The following C12orf42 variants were observed in gnomAD, a reference collection of about 807,000 sequenced individuals.
C12orf42 encodes uncharacterized protein C12orf42.
In C12orf42, 25 loss-of-function variants were observed where a neutral mutation model predicts 21.6. The observed-to-expected ratio is 1.16, with a 90% CI of 0.84 to 1.62. C12orf42 has a LOEUF of 1.62. C12orf42 is among the 40% of genes most tolerant of loss of function. The pLI, the probability that C12orf42 is intolerant of heterozygous loss-of-function variation, is 0.00. For missense variants in C12orf42, 483 were observed against 459.3 expected (o/e 1.05, Z -0.47); for synonymous variants, 174 against 175.0 (o/e 0.99, Z 0.05).
chr12:103,481,776 C>T (rs987150101), intron 1 of C12orf42, among the ~76,000 whole-genome samples: 2 of 150,118 alleles, frequency 1.3e-5, no homozygotes, highest in African/African-American at 4.9e-5. Flanking sequence ...TACTTATCTA[C>T]GTGTCCTGGT....
chr12:103,256,258 G>T (rs1243626987), intron 10 of C12orf42, among the ~76,000 whole-genome samples: 2 of 149,372 alleles, frequency 1.3e-5, no homozygotes, highest in African/African-American at 4.9e-5. Context: ...CCAATTTAGA[G>T]ATTCTGGGAG....
the C12orf42 span, among the ~76,000 whole-genome samples, chr12:103,513,997 T>C: frequency 6.6e-6 from 1 of 152,208 alleles, no homozygotes; most frequent in African/African-American, 2.4e-5. Flanking sequence ...CTAGGTAATT[T>C]ATAAAGGAAA....
chr12:103,170,540 C>A, the C12orf42 span, among the ~76,000 whole-genome samples: 1 of 151,916 alleles, frequency 6.6e-6, no homozygotes, highest in Non-Finnish European at 1.5e-5. Context: ...CTCCTCTCCT[C>A]GTACACATAC....
rs1491270877 is a variant in C12orf42, at chr12:103,294,618, AAG to A, written n.338-17410_338-17409del. Among the ~76,000 whole-genome samples, 31 of 147,342 alleles carry A rather than the reference AAG, an allele frequency of 2.1e-4. 1 individual carries two copies. Among genetic ancestry groups the A allele is most frequent in the African/African-American group, 8.1e-4 (31 of 38,132 alleles). On this transcript the variant is annotated intron_variant and non_coding_transcript_variant, in intron 4 of 6. Coordinates refer to the C12orf42 transcript ENST00000546526. ...AAAGAAAGAAAGAAAGAAAGAAAGA[AAG>A]AAAGAAAGAAAGAAAGAAGGAAAAG...
chr12:103,245,944 T>C (rs1248493386), intron 10 of C12orf42, among the ~76,000 whole-genome samples: 1 of 152,006 alleles, frequency 6.6e-6, no homozygotes, highest in Non-Finnish European at 1.5e-5. Context: ...AGCTGGACTT[T>C]GAAGGAGCTG....
chr12:103,103,887 G>A, the C12orf42 span, among the ~76,000 whole-genome samples: 3,432 of 150,046 alleles, frequency 0.023, 125 homozygotes, highest in African/African-American at 0.079. Context: ...TGCAACCTCC[G>A]CCTCCCAGGT....
the C12orf42 span, among the ~76,000 whole-genome samples, chr12:103,058,642 C>T: frequency 7.2e-5 from 11 of 152,160 alleles, no homozygotes; most frequent in South Asian, 2.1e-4. Flanking sequence ...TCTCAGACCA[C>T]GGTGCAATCA....
At chr12:103,243,357 G>A (rs1268350053) in intron 10 of C12orf42, among the ~76,000 whole-genome samples, 1 of 151,930 alleles carries the variant, frequency 6.6e-6, no homozygotes, top group African/African-American at 2.4e-5. Flanking sequence ...GTATATGAAA[G>A]TAAGTAAAAA....
chr12:103,122,840 G>T, the C12orf42 span, among the ~76,000 whole-genome samples: 1 of 152,166 alleles, frequency 6.6e-6, no homozygotes, highest in African/African-American at 2.4e-5. Flanking sequence ...GAGGATGTGG[G>T]CAAAGGAGGC....
chr12:103,507,206 A>AT, the C12orf42 span, among the ~76,000 whole-genome samples: 1 of 33,358 alleles, frequency 3.0e-5, no homozygotes, highest in South Asian at 1.5e-3. Flanking sequence ...TATTTATATT[A>AT]TATATATAAT....
chr12:103,336,515 C>T (rs969867359), intron 4 of C12orf42, among the ~76,000 whole-genome samples: 1 of 152,124 alleles, frequency 6.6e-6, no homozygotes. Flanking sequence ...TCCTATTTTG[C>T]AGCATTTTGT....
chr12:103,455,779 T>C (rs1952247586), intron 2 of C12orf42, among the ~76,000 whole-genome samples: 1 of 152,166 alleles, frequency 6.6e-6, no homozygotes, highest in East Asian at 1.9e-4. Context: ...TGAGATATAT[T>C]AGAGATTTCT....
intron 3 of C12orf42, 96 bp from the exon 4 acceptor site, chr12:103,369,094 T>G: frequency 1.8e-6 from 1 of 550,196 alleles, no homozygotes; most frequent in South Asian, 3.3e-5. Context: ...CTAAAGTGAG[T>G]GACATTTTAA....
chr12:103,518,688 C>T, the C12orf42 span, among the ~76,000 whole-genome samples: 1 of 152,154 alleles, frequency 6.6e-6, no homozygotes, highest in Non-Finnish European at 1.5e-5. Context: ...ACATAGCAGG[C>T]AGCCACAAAT....
At chr12:103,116,439 G>A in the C12orf42 span, among the ~76,000 whole-genome samples, 4 of 149,950 alleles carry the variant, frequency 2.7e-5, no homozygotes, top group Non-Finnish European at 4.4e-5. Context: ...TGGGAAGATA[G>A]GGAACCTGCC....
chr12:103,244,602 T>C (rs1164705034), intron 10 of C12orf42, among the ~76,000 whole-genome samples: 1 of 151,932 alleles, frequency 6.6e-6, no homozygotes, highest in Admixed American at 6.6e-5. Context: ...GTCTCTAAAT[T>C]AGTAGCACTC....
At chr12:103,374,767 T>C (rs991947358) in intron 3 of C12orf42, among the ~76,000 whole-genome samples, 2 of 152,166 alleles carry the variant, frequency 1.3e-5, no homozygotes, top group African/African-American at 4.8e-5. Context: ...ATGTGGCCCA[T>C]GCTGCATCCT....
chr12:103,122,182 A>C, the C12orf42 span, among the ~76,000 whole-genome samples: 1 of 152,134 alleles, frequency 6.6e-6, no homozygotes, highest in Non-Finnish European at 1.5e-5. Flanking sequence ...AACAACTTTG[A>C]TTTTCCATTT....
At chr12:103,133,440 C>CTT in the C12orf42 span, among the ~76,000 whole-genome samples, 8 of 152,164 alleles carry the variant, frequency 5.3e-5, no homozygotes, top group Non-Finnish European at 1.2e-4. Context: ...ACTTATGAAA[C>CTT]CTGTTGCCCA....
Sources: allele counts gnomAD v4.1 joint callset (sites outside exome capture counted in the v4.1 genomes callset), GRCh38; gene constraint gnomAD v4.1.1; transcripts MANE v1.5; gene names NCBI Gene and HGNC (gene_info 2026-07-23, HGNC 2026-07-21).